The following CNOT4 variants were observed in gnomAD, a reference collection of about 807,000 sequenced individuals.
CNOT4 encodes the protein CCR4-associated factor 4.
Under a neutral mutation model 73.8 loss-of-function variants are expected in CNOT4, and 8 were observed. That is an observed-to-expected ratio of 0.11 (90% confidence interval 0.06 to 0.20). The LOEUF is 0.20. Among genes scored for constraint, CNOT4 ranks in the 10% least tolerant of loss-of-function variants. The pLI, the probability that CNOT4 is intolerant of heterozygous loss-of-function variation, is 1.00. For synonymous variants in CNOT4, 293 were observed against 321.1 expected, an observed-to-expected ratio of 0.91 and a Z score of 0.94; for missense variants, 564 against 883.4, an observed-to-expected ratio of 0.64 and a Z score of 4.58.
intron 10 of CNOT4, among the ~76,000 whole-genome samples, chr7:135,368,838 T>G (rs1295945974): frequency 6.6e-6 from 1 of 152,202 alleles, no homozygotes; most frequent in Non-Finnish European, 1.5e-5. Flanking sequence ...CATCAGACCT[T>G]TCACAGAACA....
chr7:135,443,997 G>A (rs558539827), intron 1 of CNOT4, among the ~76,000 whole-genome samples: 3 of 151,912 alleles, frequency 2.0e-5, no homozygotes, highest in Non-Finnish European at 4.4e-5. Context: ...AAAATGAGCC[G>A]GGTGTGGTAG....
At chr7:135,382,876 T>C (rs1401204420) in intron 10 of CNOT4, among the ~76,000 whole-genome samples, 1 of 152,182 alleles carries the variant, frequency 6.6e-6, no homozygotes, top group East Asian at 1.9e-4. Context: ...TTTTGCAATC[T>C]GTGGAACCAA....
At chr7:135,444,154 A>G (rs1257104717) in intron 1 of CNOT4, among the ~76,000 whole-genome samples, 1 of 129,456 alleles carries the variant, frequency 7.7e-6, no homozygotes, top group East Asian at 2.7e-4. Context: ...AAATAATAAT[A>G]ATAATAATAA....
chr7:135,498,447 C>T (rs1199438739), intron 1 of CNOT4, among the ~76,000 whole-genome samples: 4 of 152,194 alleles, frequency 2.6e-5, no homozygotes, highest in Non-Finnish European at 4.4e-5. Context: ...ACAGGTCTAA[C>T]TTGTGTTCTT....
At chr7:135,452,119 G>A (rs1295950200) in intron 1 of CNOT4, among the ~76,000 whole-genome samples, 3 of 151,928 alleles carry the variant, frequency 2.0e-5, no homozygotes, top group African/African-American at 7.3e-5. Flanking sequence ...CACACCTGTA[G>A]TGCCAGCTAC....
At chr7:135,431,114 A>C (rs1049905028) in intron 2 of CNOT4, among the ~76,000 whole-genome samples, 1 of 152,136 alleles carries the variant, frequency 6.6e-6, no homozygotes, top group African/African-American at 2.4e-5. Flanking sequence ...TTTTTTAAAC[A>C]ATTAGTTGGG....
Position 135,363,513 on chromosome 7 carries a change from T to C in CNOT4, c.1841-327A>G, listed in dbSNP as rs1794751842. Among the ~76,000 whole-genome samples the C allele has an allele frequency of 6.6e-6, 1 of 152,182 alleles. No individual in the cohort carries two copies. Among genetic ancestry groups the C allele is most frequent in the Non-Finnish European group, 1.5e-5 (1 of 68,024 alleles). On this transcript the variant is annotated intron_variant, in intron 11 of 11. Coordinates refer to ENST00000541284, the MANE Select transcript of CNOT4 (RefSeq NM_001190850.2). The surrounding 1 kb of genome is among the most constrained non-coding windows in gnomAD (Gnocchi z 4.3). ...AGGGATGCGTAACAAGACAGCCTTA[T>C]AATAGAGAGCTTTATAACAAAAAGT... is the stretch of plus-strand genomic sequence containing the variant.
chr7:135,397,046 T>C (rs1266334262), intron 8 of CNOT4, among the ~76,000 whole-genome samples: 2 of 152,152 alleles, frequency 1.3e-5, no homozygotes, highest in South Asian at 2.1e-4. Context: ...AGACAAAAAT[T>C]GGCATTTGAA....
intron 6 of CNOT4, among the ~76,000 whole-genome samples, chr7:135,413,199 G>C (rs192647380): frequency 1.3e-5 from 2 of 151,788 alleles, no homozygotes; most frequent in Non-Finnish European, 2.9e-5. Flanking sequence ...AATTCCCTTC[G>C]TGGATCTGTA....
At chr7:135,462,174 T>C (rs1800917801) in intron 1 of CNOT4, among the ~76,000 whole-genome samples, 1 of 152,052 alleles carries the variant, frequency 6.6e-6, no homozygotes, top group Non-Finnish European at 1.5e-5. Flanking sequence ...CAGGTGTAGG[T>C]TGGAAGACTA....
At chr7:135,367,060 G>A (rs1794956370) in intron 10 of CNOT4, among the ~76,000 whole-genome samples, 2 of 152,086 alleles carry the variant, frequency 1.3e-5, no homozygotes, top group South Asian at 2.1e-4. Flanking sequence ...TAAGCACTGT[G>A]GGAGGTTTAG....
intron 10 of CNOT4, among the ~76,000 whole-genome samples, chr7:135,378,369 T>C (rs1341981333): frequency 6.6e-6 from 1 of 152,046 alleles, no homozygotes; most frequent in Non-Finnish European, 1.5e-5. Flanking sequence ...CCAGGCATGG[T>C]GGCATATGCC....
At chr7:135,403,324 A>G (rs1797100262) in intron 7 of CNOT4, among the ~76,000 whole-genome samples, 1 of 152,362 alleles carries the variant, frequency 6.6e-6, no homozygotes, top group African/African-American at 2.4e-5. Flanking sequence ...AACACAAAGG[A>G]TATATTTAAG....
chr7:135,464,459 CACTT>C (rs1801097102), intron 1 of CNOT4, among the ~76,000 whole-genome samples: 1 of 152,108 alleles, frequency 6.6e-6, no homozygotes, highest in African/African-American at 2.4e-5. Flanking sequence ...TGCATGTTCT[CACTT>C]ATAAATGTGA....
intron 1 of CNOT4, among the ~76,000 whole-genome samples, chr7:135,469,004 T>C (rs1365175408): frequency 6.6e-6 from 1 of 151,754 alleles, no homozygotes; most frequent in Admixed American, 6.6e-5. Flanking sequence ...TCAAGAAGGG[T>C]AGGAAAGAAA....
At position 135,362,134 on chromosome 7, in the gene CNOT4, T is replaced by C. The variant is rs940123876; in HGVS notation, c.*751A>G. On this transcript the variant is annotated 3_prime_UTR_variant, in exon 12 of 12. Transcript: ENST00000541284. ...TACATTTCAGCTCTTATATTATTAA[T>C]AGGTATTAAATCTGTGAATACTTTT... 2.6e-5 allele frequency: 4 copies of C among 152,422 alleles called. No homozygotes were observed. Among genetic ancestry groups the C allele is most frequent in the Non-Finnish European group, 4.4e-5 (3 of 68,200 alleles). The allele number at this position is 152,422 out of a possible 1,614,324, so 9.4% of individuals were successfully genotyped here. A position where few individuals can be genotyped will look rare whatever the true frequency, so the allele number is the denominator to read the frequency against.
At chr7:135,498,416 T>C (rs564940252) in intron 1 of CNOT4, among the ~76,000 whole-genome samples, 11 of 152,346 alleles carry the variant, frequency 7.2e-5, no homozygotes, top group Admixed American at 5.2e-4. Context: ...TTGCTAGGCA[T>C]GACAAAGAAT....
intron 2 of CNOT4, among the ~76,000 whole-genome samples, chr7:135,431,215 T>C (rs560595699): frequency 2.0e-4 from 31 of 152,204 alleles, no homozygotes; most frequent in Non-Finnish European, 3.8e-4. Flanking sequence ...CAGTGAGCCA[T>C]ATTTGTGCCA....
chr7:135,394,578 C>T (rs1796579166), intron 9 of CNOT4, among the ~76,000 whole-genome samples, 163 bp from the exon 10 acceptor site: 1 of 152,014 alleles, frequency 6.6e-6, no homozygotes, highest in African/African-American at 2.4e-5. Context: ...TACAAAAGGC[C>T]TTATGTACTT....
Sources: allele counts gnomAD v4.1 joint callset (sites outside exome capture counted in the v4.1 genomes callset), GRCh38; gene constraint gnomAD v4.1.1; non-coding constraint Gnocchi (gnomAD v3.1); transcripts MANE v1.5; gene names NCBI Gene and HGNC (gene_info 2026-07-23, HGNC 2026-07-21).